Variants in SLC7A2 observed in about 807,000 individuals in gnomAD.
SLC7A2 encodes the protein solute carrier family 7 member 2.
A neutral mutation model predicts 58.9 loss-of-function variants in SLC7A2; 48 were observed. The observed-to-expected ratio is 0.82, with a 90% CI of 0.65 to 1.04. SLC7A2 has a LOEUF of 1.04. SLC7A2 is among the 50% of genes least tolerant of loss of function. The pLI is 0.00. For synonymous variants in SLC7A2, 363 were observed against 314.5 expected (o/e 1.15, Z -1.63); for missense variants, 1,029 against 818.8 (o/e 1.26, Z -3.13).
intron 8 of SLC7A2, among the ~76,000 whole-genome samples, chr8:17,556,753 C>A (rs190674280): frequency 6.6e-6 from 1 of 152,100 alleles, no homozygotes; most frequent in African/African-American, 2.4e-5. Context: ...TGATTACAGT[C>A]ACGTGCCACC....
intron 2 of SLC7A2, among the ~76,000 whole-genome samples, chr8:17,526,413 A>G (rs1801224908): frequency 6.6e-6 from 1 of 152,172 alleles, no homozygotes; most frequent in East Asian, 1.9e-4. Flanking sequence ...TCTTTACACA[A>G]AGAAGGGCCA....
intron 2 of SLC7A2, among the ~76,000 whole-genome samples, chr8:17,522,273 T>C (rs1029082696): frequency 6.6e-6 from 1 of 152,110 alleles, no homozygotes; most frequent in African/African-American, 2.4e-5. Flanking sequence ...GTGAGACTTA[T>C]TAACTACCAT....
intron 7 of SLC7A2, among the ~76,000 whole-genome samples, chr8:17,553,495 G>A (rs1802546536): frequency 6.6e-6 from 1 of 152,170 alleles, no homozygotes; most frequent in Admixed American, 6.5e-5. Flanking sequence ...GAAGGGCCAG[G>A]CACAGTGGTT....
At chr8:17,518,266 C>T (rs1226227616) in intron 2 of SLC7A2, among the ~76,000 whole-genome samples, 7 of 151,160 alleles carry the variant, frequency 4.6e-5, no homozygotes, top group Middle Eastern at 3.4e-3. Flanking sequence ...CAATATTCTG[C>T]AACTCCATCG....
intron 2 of SLC7A2, among the ~76,000 whole-genome samples, chr8:17,527,240 C>T (rs944682795): frequency 1.3e-5 from 2 of 151,968 alleles, no homozygotes; most frequent in Admixed American, 6.6e-5. Context: ...CAAAATGGAA[C>T]CAAGAGGACC....
chr8:17,530,548 A>ATTAGC (rs1242891394), intron 2 of SLC7A2, among the ~76,000 whole-genome samples: 1 of 150,736 alleles, frequency 6.6e-6, no homozygotes, highest in Non-Finnish European at 1.5e-5. Flanking sequence ...CAGAAGGCAG[A>ATTAGC]TTAGGTACAA....
chr8:17,495,257 T>C (rs187662425), upstream of SLC7A2, among the ~76,000 whole-genome samples: 56 of 152,240 alleles, frequency 3.7e-4, 2 homozygotes, highest in African/African-American at 1.2e-3. Context: ...TCTATTTTTT[T>C]TAAACCAGGT....
At chr8:17,519,476 C>T (rs992395577) in intron 2 of SLC7A2, among the ~76,000 whole-genome samples, 5 of 152,162 alleles carry the variant, frequency 3.3e-5, no homozygotes, top group East Asian at 1.9e-4. Context: ...ATATTTCTGT[C>T]GCCATTTTCT....
At chr8:17,551,474 G>T (rs543552530) in intron 6 of SLC7A2, among the ~76,000 whole-genome samples, 1 of 152,112 alleles carries the variant, frequency 6.6e-6, no homozygotes, top group Non-Finnish European at 1.5e-5. Context: ...GCGCACACCC[G>T]TGGTCCCAGC....
At chr8:17,504,373 A>G (rs1009610872) in intron 2 of SLC7A2, among the ~76,000 whole-genome samples, 2 of 152,152 alleles carry the variant, frequency 1.3e-5, no homozygotes, top group African/African-American at 2.4e-5. Context: ...TTACCTTTCA[A>G]TTAGTTGCAC....
In SLC7A2 at chr8:17,551,951, C is replaced by A. The variant is rs770199056; in HGVS notation, c.1020C>A (p.Val340=). The change falls in exon 7 of 13, where the codon GTC becomes GTA. Residue 340 remains valine, a synonymous_variant. Transcript: ENST00000494857. ...TGGGATGGGGTCCTGCCAAATATGT[C>A]GTCGCAGCTGGTTCTCTCTGCGCCT... ...EYVGWGPAKY[V]VAAGSLCALS... is the part of the protein sequence containing the mutation. 37 of 1,613,924 alleles carry A rather than the reference C, an allele frequency of 2.3e-5. No individual in the cohort carries two copies. Among genetic ancestry groups the A allele is most frequent in the Admixed American group, 8.3e-5 (5 of 59,998 alleles).
At position 17,548,789 on chromosome 8, in the gene SLC7A2, T is replaced by G. The variant is rs780383778; in HGVS notation, c.644T>G (p.Val215Gly). Residue 215 changes from valine (V) to glycine (G), a missense_variant, in exon 5 of 13, where the codon GTG becomes GGG. Physicochemically the swap from Val to Gly is moderately radical, Grantham distance 109 (BLOSUM62 -3). Transcript: ENST00000494857. ...VMVAGFVKGN[V>G]ANWKISEEFL... The stretch of plus-strand genomic sequence containing the variant: ...GTTGCTGGGTTTGTGAAAGGAAATG[T>G]GGCAAACTGGAAGATTAGTGAAGAG... 1.2e-6 allele frequency: 2 copies of G among 1,614,014 alleles called. No individual in the cohort carries two copies. Among genetic ancestry groups the G allele is most frequent in the Non-Finnish European group, 1.7e-6 (2 of 1,179,968 alleles).
chr8:17,543,954 T>C (rs2588243), intron 3 of SLC7A2, among the ~76,000 whole-genome samples: 144,693 of 152,290 alleles, frequency 0.95, 68,826 homozygotes, highest in East Asian at 1. Context: ...CTGCAACCTC[T>C]GCCTCCTGGC....
At chr8:17,549,905 A>G (rs959996786) in intron 5 of SLC7A2, among the ~76,000 whole-genome samples, 1 of 152,228 alleles carries the variant, frequency 6.6e-6, no homozygotes, top group African/African-American at 2.4e-5. Flanking sequence ...ACTCTGCCTT[A>G]CTCGATGCTT....
rs1563445128 is a variant in SLC7A2 at position 17,520,644 on chromosome 8, A to ATT, written c.-23+18342_-23+18343insTT. 238 of 123,628 alleles carry ATT rather than the reference A, an allele frequency of 1.9e-3. 4 individuals are homozygous for ATT. The Middle Eastern group carries it at 0.023, about 12-fold the overall frequency. 7.7% of individuals were successfully genotyped at this position (123,628 alleles called of 1,614,324 possible). On this transcript the variant is annotated intron_variant, in intron 2 of 12. Transcript: ENST00000494857. ...CAACAGAGTGAGACTCTGTCTTTAA[A>ATT]AAAAAAAAAAAAAAAAAAAAAAAAA...
intron 5 of SLC7A2, among the ~76,000 whole-genome samples, chr8:17,549,997 C>T (rs770306787): frequency 1.2e-4 from 18 of 152,082 alleles, no homozygotes; most frequent in East Asian, 1.9e-4. Context: ...GAGCATGGCT[C>T]GTATGTGGAA....
At chr8:17,511,188 A>G (rs376728661) in intron 2 of SLC7A2, 2 of 152,206 alleles carry the variant, frequency 1.3e-5, no homozygotes, top group African/African-American at 4.8e-5. Flanking sequence ...TGATAGGTGC[A>G]GCAAACCATG....
At chr8:17,494,914 G>T (rs994488498), upstream of SLC7A2, among the ~76,000 whole-genome samples, 1 of 152,198 alleles carries the variant, frequency 6.6e-6, no homozygotes, top group African/African-American at 2.4e-5. Flanking sequence ...AACACAGCAC[G>T]TTCTTGCTTC....
chr8:17,551,862 A>G lies in SLC7A2; in HGVS notation c.931A>G (p.Thr311Ala). ...CTATTTTGGGGTCTCTGCAGCTTTA[A>G]CACTTATGATGCCGTACTACCTCCT... ...MAYFGVSAAL[T>A]LMMPYYLLDE... Residue 311 changes from threonine to alanine, a missense_variant, in exon 7 of 13, where the codon ACA becomes GCA. Coordinates refer to ENST00000494857, the MANE Select transcript of SLC7A2 (RefSeq NM_001370338.1). 1 of 1,613,832 alleles carries G rather than the reference A, an allele frequency of 6.2e-7. No homozygotes were observed. Among genetic ancestry groups the G allele is most frequent in the Non-Finnish European group, 8.5e-7 (1 of 1,179,940 alleles).
Sources: gnomAD v4.1 joint callset for allele counts (sites outside exome capture counted in the v4.1 genomes callset) on GRCh38, gnomAD v4.1.1 for gene constraint, MANE v1.5 for transcripts, NCBI Gene and HGNC (gene_info 2026-07-23, HGNC 2026-07-21) for gene names.